GREB1: variants seen among roughly 807,000 people sequenced by gnomAD.
GREB1 encodes growth regulating estrogen receptor binding 1.
GREB1 carries 106 observed loss-of-function variants against 200.7 expected under a neutral mutation model. That is an observed-to-expected ratio of 0.53 (90% CI 0.45 to 0.62). The LOEUF (loss-of-function observed/expected upper bound fraction) is 0.62, where lower values mean the gene tolerates loss of function less well. Ranked by LOEUF, GREB1 falls within the 20% of genes least tolerant of loss-of-function variation. The pLI is 0.00. For missense variants in GREB1, 2,243 were observed against 2,556.8 expected (o/e 0.88, Z 2.65); for synonymous variants, 1,132 against 1,092.4 (o/e 1.04, Z -0.72).
intron 1 of GREB1, among the ~76,000 whole-genome samples, chr2:11,535,890 T>A (rs1453847662): frequency 6.6e-6 from 1 of 152,240 alleles, no homozygotes; most frequent in Non-Finnish European, 1.5e-5. Flanking sequence ...ATTGTTCATC[T>A]TCTTTCTTCT....
At chr2:11,616,575 G>A in intron 20 of GREB1, 56 bp from the exon 21 acceptor site, 1 of 1,068,410 alleles carries the variant, frequency 9.4e-7, no homozygotes, top group South Asian at 1.3e-5. Context: ...GAAGTGCTGG[G>A]CAAATGTCAG....
rs775859147 is a variant in GREB1, at chr2:11,618,465, C to T, written c.3590C>T (p.Thr1197Met). The T allele has an allele frequency of 4.3e-5, 69 of 1,605,758 alleles. No homozygotes were observed. Among genetic ancestry groups the T allele is most frequent in the African/African-American group, 9.3e-5 (7 of 74,888 alleles). ...SAISRHSPGP[T>M]PQPDCSLRTG... The stretch of plus-strand genomic sequence containing the variant: ...ATCAGCAGGCACAGTCCCGGGCCGA[C>T]GCCCCAGCCCGACTGTAGCCTCAGG... Residue 1197 changes from threonine (T) to methionine (M), a missense_variant, in exon 22 of 33, where the codon ACG (threonine) becomes ATG (methionine). Physicochemically the swap from Thr to Met is moderately conservative, Grantham distance 81. Transcript: ENST00000381486.
intron 20 of GREB1, among the ~76,000 whole-genome samples, chr2:11,615,840 C>A (rs772811340): frequency 6.6e-6 from 1 of 152,152 alleles, no homozygotes. Flanking sequence ...ATGAGAAAGA[C>A]GTAGACAGTC....
At chr2:11,568,715 G>A (rs375399011) in intron 4 of GREB1, among the ~76,000 whole-genome samples, 1 of 152,224 alleles carries the variant, frequency 6.6e-6, no homozygotes, top group Middle Eastern at 3.2e-3. Flanking sequence ...CTGTTGGCCC[G>A]CAGAGAGGAG....
At chr2:11,560,977 A>G (rs903410194) in intron 2 of GREB1, among the ~76,000 whole-genome samples, 4 of 152,182 alleles carry the variant, frequency 2.6e-5, no homozygotes, top group African/African-American at 9.6e-5. Flanking sequence ...CCCAACACAC[A>G]GTCATAATTA....
At chr2:11,631,432 T>C (rs1361478012) in intron 26 of GREB1, among the ~76,000 whole-genome samples, 1 of 152,222 alleles carries the variant, frequency 6.6e-6, no homozygotes, top group African/African-American at 2.4e-5. Context: ...GGTTAATTGC[T>C]ATATGCCAGT....
intron 1 of GREB1, among the ~76,000 whole-genome samples, chr2:11,519,388 C>G (rs535200027): frequency 1.4e-5 from 2 of 146,810 alleles, no homozygotes; most frequent in East Asian, 4.0e-4. Flanking sequence ...CCCAGGTATT[C>G]TCTGATTATC....
At position 11,634,113 on chromosome 2, in the gene GREB1, T is replaced by C; in HGVS notation, c.4992-18T>C. ...CTCGTGTGTCAGCCTAGGGACTCAC[T>C]CTCCCTCCTTGGAGCAGGGAGTTCT... On this transcript the variant is annotated intron_variant, in intron 28 of 32. Coordinates refer to ENST00000381486, the MANE Select transcript of GREB1 (RefSeq NM_014668.4). The C allele has an allele frequency of 6.2e-7, 1 of 1,602,742 alleles. No individual in the cohort carries two copies. Among genetic ancestry groups the C allele is most frequent in the Non-Finnish European group, 8.5e-7 (1 of 1,169,728 alleles).
intron 14 of GREB1, 96 bp from the exon 15 acceptor site, chr2:11,598,584 A>C (rs1393517154): frequency 9.5e-7 from 1 of 1,055,158 alleles, no homozygotes; most frequent in Non-Finnish European, 1.4e-6. Flanking sequence ...CTAGCTCAGG[A>C]CCTGCTGTGT....
At position 11,629,270 on chromosome 2, in the gene GREB1, CA is replaced by C. The variant is rs374345948; in HGVS notation, c.4450-675del. 7.2e-5 allele frequency among the ~76,000 whole-genome samples: 11 copies of C among 152,070 alleles called. No homozygotes were observed. Among genetic ancestry groups the C allele is most frequent in the African/African-American group, 2.7e-4 (11 of 41,412 alleles). On this transcript the variant is annotated intron_variant, in intron 25 of 32. Transcript: ENST00000381486. This position sits in a 1 kb window ranked among gnomAD's most constrained non-coding sequence, Gnocchi z 5.2. ...CGTAAGAGGACGTTCAAGCTGAGGG[CA>C]AAGCTGCGCTGGAGGTCACACCCAG... is the stretch of plus-strand genomic sequence containing the variant.
intron 1 of GREB1, among the ~76,000 whole-genome samples, chr2:11,505,257 G>T (rs906028997): frequency 6.6e-5 from 10 of 152,206 alleles, no homozygotes; most frequent in African/African-American, 1.2e-4. Flanking sequence ...ACCGAGATGG[G>T]GACTGCGGCG....
At chr2:11,515,287 T>G (rs957345858) in intron 1 of GREB1, among the ~76,000 whole-genome samples, 1 of 152,212 alleles carries the variant, frequency 6.6e-6, no homozygotes, top group African/African-American at 2.4e-5. Context: ...GAACAGAGAT[T>G]GAATTGGATA....
intron 11 of GREB1, 124 bp from the exon 12 acceptor site, chr2:11,595,127 C>A: frequency 2.4e-6 from 2 of 823,450 alleles, no homozygotes; most frequent in Non-Finnish European, 3.8e-6. Context: ...GTAGATCCAG[C>A]TGTTAGCCAC....
At chr2:11,570,806 T>C (rs1396533197) in intron 4 of GREB1, among the ~76,000 whole-genome samples, 1 of 152,230 alleles carries the variant, frequency 6.6e-6, no homozygotes, top group East Asian at 1.9e-4. Context: ...ATGAACTTAT[T>C]GCAGGATTCT....
chr2:11,638,768 T>C lies in GREB1; in HGVS notation c.5645T>C (p.Phe1882Ser), dbSNP rs1430263575. Residue 1882 changes from phenylalanine (F) to serine (S), a missense_variant, in exon 32 of 33, where the codon TTT becomes TCT. Coordinates refer to ENST00000381486, the MANE Select transcript of GREB1 (RefSeq NM_014668.4). ...CTGCTGCTGTACCTCTGTGACTCTT[T>C]TGTGGGAGCTAGCTTTTTGAAAAAG... is the stretch of plus-strand genomic sequence containing the variant. ...SGLLLYLCDS[F>S]VGASFLKKFH... is the part of the protein sequence containing the mutation. The C allele has an allele frequency of 5.6e-6, 9 of 1,614,226 alleles. No individual in the cohort carries two copies. Among genetic ancestry groups the C allele is most frequent in the Non-Finnish European group, 5.9e-6 (7 of 1,180,028 alleles).
At chr2:11,509,357 C>T (rs544174535) in intron 1 of GREB1, among the ~76,000 whole-genome samples, 2 of 152,072 alleles carry the variant, frequency 1.3e-5, no homozygotes, top group East Asian at 3.9e-4. Flanking sequence ...AACATGTGGG[C>T]GATTTTGTTT....
intron 2 of GREB1, among the ~76,000 whole-genome samples, chr2:11,559,662 C>G (rs1676787992): frequency 6.6e-6 from 1 of 152,168 alleles, no homozygotes; most frequent in Admixed American, 6.5e-5. Flanking sequence ...GCTTAGAGAC[C>G]AGAGTCGATT....
chr2:11,598,050 A>G, intron 14 of GREB1, 72 bp downstream of exon 14: 1 of 1,094,200 alleles, frequency 9.1e-7, no homozygotes, highest in Non-Finnish European at 1.4e-6. Context: ...GTGGGTGTTG[A>G]CACTGTTCTT....
rs146434810 is a variant in GREB1 at position 11,586,438 on chromosome 2, C to T, written c.1159+533C>T. ...TGATCTGTTTTGTGCAGTGGGCTAA[C>T]GTACGCTACGTGGGGGTAGACTTTT... On this transcript the variant is annotated intron_variant, in intron 9 of 32. Transcript: ENST00000381486. 1.1e-3 allele frequency among the ~76,000 whole-genome samples: 168 copies of T among 152,340 alleles called. 1 individual carries two copies. Among genetic ancestry groups the T allele is most frequent in the African/African-American group, 3.4e-3 (143 of 41,570 alleles).
Sources: allele counts gnomAD v4.1 joint callset (sites outside exome capture counted in the v4.1 genomes callset), GRCh38; gene constraint gnomAD v4.1.1; non-coding constraint Gnocchi (gnomAD v3.1); transcripts MANE v1.5; gene names NCBI Gene and HGNC (gene_info 2026-07-23, HGNC 2026-07-21).